The following RAD51B variants were observed in gnomAD, a reference collection of about 807,000 sequenced individuals.
RAD51B encodes DNA repair protein RAD51 homolog 2.
In RAD51B, 38 loss-of-function variants were observed where a neutral mutation model predicts 42.2. The ratio of observed to expected loss-of-function variants is 0.90; its 90% CI spans 0.70 to 1.18. The LOEUF (loss-of-function observed/expected upper bound fraction) is 1.18, where lower values mean the gene tolerates loss of function less well. Ranked by LOEUF, RAD51B falls within the 50% of genes most tolerant of loss-of-function variation. RAD51B has a pLI of 0.00. For missense variants in RAD51B, 373 were observed against 400.7 expected (o/e 0.93, Z 0.59); for synonymous variants, 154 against 145.2 (o/e 1.06, Z -0.43).
intron 8 of RAD51B, among the ~76,000 whole-genome samples, chr14:68,408,660 A>T (rs1239523340): frequency 6.6e-6 from 1 of 152,230 alleles, no homozygotes; most frequent in African/African-American, 2.4e-5. Context: ...AATTATACTT[A>T]AAAAGCATTG....
At chr14:68,486,506 T>C (rs1165147825) in intron 10 of RAD51B, among the ~76,000 whole-genome samples, 1 of 152,204 alleles carries the variant, frequency 6.6e-6, no homozygotes, top group African/African-American at 2.4e-5. Context: ...AGAAGCCAGT[T>C]TGGCTTTCTC....
chr14:68,538,970 T>TCAC (rs1323806742), intron 10 of RAD51B, among the ~76,000 whole-genome samples: 1 of 152,384 alleles, frequency 6.6e-6, no homozygotes, highest in Admixed American at 6.5e-5. Context: ...CACCATGCCA[T>TCAC]CACATTTAAC....
Position 68,372,561 on chromosome 14 carries a change from A to C in RAD51B, c.854-38863A>C, listed in dbSNP as rs181157527. On this transcript the variant is annotated intron_variant, in intron 8 of 10. Coordinates refer to ENST00000471583, the MANE Select transcript of RAD51B (RefSeq NM_133510.4). ...AGCAAGACTGCTTCAAGAGATACAA[A>C]AGCAAATTCATTACCCTAAGAATGG... Among the ~76,000 whole-genome samples, 35 of 152,280 alleles carry C rather than the reference A, an allele frequency of 2.3e-4. No homozygotes were observed. The East Asian group carries it at 5.8e-3, about 25-fold the overall frequency.
At chr14:68,076,226 C>T (rs2076831504) in intron 7 of RAD51B, among the ~76,000 whole-genome samples, 2 of 152,220 alleles carry the variant, frequency 1.3e-5, no homozygotes, top group African/African-American at 4.8e-5. Flanking sequence ...CAGAAATATT[C>T]TGTTGGCCTA....
chr14:68,474,119 T>C (rs1285141733), intron 10 of RAD51B, among the ~76,000 whole-genome samples: 5 of 152,240 alleles, frequency 3.3e-5, no homozygotes, highest in African/African-American at 1.2e-4. Flanking sequence ...CCCCTACTTA[T>C]GGAAATTTTG....
At chr14:67,944,878 G>A (rs2045336948) in intron 7 of RAD51B, among the ~76,000 whole-genome samples, 1 of 152,162 alleles carries the variant, frequency 6.6e-6, no homozygotes, top group African/African-American at 2.4e-5. Flanking sequence ...ATACCCCACA[G>A]ACATTTTTTG....
At chr14:68,447,120 G>A (rs2085439341) in intron 9 of RAD51B, among the ~76,000 whole-genome samples, 1 of 152,190 alleles carries the variant, frequency 6.6e-6, no homozygotes, top group African/African-American at 2.4e-5. Context: ...TCGGGAGGCT[G>A]AGGCAGGAGA....
At chr14:68,260,654 C>G (rs935851455) in intron 7 of RAD51B, among the ~76,000 whole-genome samples, 3 of 152,264 alleles carry the variant, frequency 2.0e-5, no homozygotes, top group African/African-American at 7.2e-5. Context: ...TTCCATCCCT[C>G]CGGGTATAGT....
chr14:68,636,977 A>T (rs1892354128), intron 10 of RAD51B, among the ~76,000 whole-genome samples: 1 of 152,200 alleles, frequency 6.6e-6, no homozygotes, highest in Middle Eastern at 3.2e-3. Context: ...TCTTCAGAGC[A>T]CTTATAATTC....
chr14:67,862,419 C>CAAAAAA (rs753212601), intron 4 of RAD51B, among the ~76,000 whole-genome samples: 1 of 117,180 alleles, frequency 8.5e-6, no homozygotes. Context: ...TAAATGTAAG[C>CAAAAAA]AAAAAAAAAA....
chr14:68,206,371 C>T (rs1164736271), intron 7 of RAD51B, among the ~76,000 whole-genome samples: 1 of 152,176 alleles, frequency 6.6e-6, no homozygotes, highest in East Asian at 1.9e-4. Context: ...ATAGCTTGCT[C>T]TTCATCACTA....
intron 9 of RAD51B, among the ~76,000 whole-genome samples, chr14:68,457,587 A>G (rs1257325154): frequency 1.3e-5 from 2 of 152,002 alleles, no homozygotes; most frequent in African/African-American, 4.8e-5. Context: ...GGTATAATTC[A>G]GGAAGAATTA....
intron 11 of RAD51B, among the ~76,000 whole-genome samples, chr14:68,676,451 C>A (rs1893304191): frequency 6.6e-6 from 1 of 152,178 alleles, no homozygotes; most frequent in African/African-American, 2.4e-5. Flanking sequence ...TCCATAATAA[C>A]TTTTAGGAGA....
At chr14:68,123,170 CTTTTCTTT>C (rs1405086030) in intron 7 of RAD51B, among the ~76,000 whole-genome samples, 6 of 146,504 alleles carry the variant, frequency 4.1e-5, no homozygotes, top group African/African-American at 1.5e-4. Flanking sequence ...ATGATCTTTT[CTTTTCTTT>C]TTTTCTTTCT....
At chr14:68,434,910 A>G (rs767364805) in intron 9 of RAD51B, among the ~76,000 whole-genome samples, 13 of 152,160 alleles carry the variant, frequency 8.5e-5, no homozygotes, top group Middle Eastern at 3.4e-3. Flanking sequence ...TTCTTTATCC[A>G]TTTATTTGTT....
chr14:68,100,587 C>G (rs779457320), intron 7 of RAD51B, among the ~76,000 whole-genome samples: 1 of 152,178 alleles, frequency 6.6e-6, no homozygotes, highest in Non-Finnish European at 1.5e-5. Flanking sequence ...CCCTTATTTA[C>G]TGGGTATGGA....
chr14:68,145,214 T>A (rs1378681969), intron 7 of RAD51B, among the ~76,000 whole-genome samples: 1 of 152,224 alleles, frequency 6.6e-6, no homozygotes, highest in African/African-American at 2.4e-5. Context: ...TGACCCATTG[T>A]CTAGTGGTTT....
intron 7 of RAD51B, among the ~76,000 whole-genome samples, chr14:68,009,177 T>C (rs964127868): frequency 6.6e-6 from 1 of 151,974 alleles, no homozygotes; most frequent in African/African-American, 2.4e-5. Flanking sequence ...TTGCATCCCC[T>C]GTATGCTATC....
intron 7 of RAD51B, among the ~76,000 whole-genome samples, chr14:68,272,631 C>T (rs1311213708): frequency 6.0e-5 from 3 of 49,718 alleles, no homozygotes; most frequent in African/African-American, 2.7e-4. Context: ...TGTTTATAAA[C>T]ACTTTATATA....
Sources: gnomAD v4.1 joint callset for allele counts (sites outside exome capture counted in the v4.1 genomes callset) on GRCh38, gnomAD v4.1.1 for gene constraint, MANE v1.5 for transcripts, NCBI Gene and HGNC (gene_info 2026-07-23, HGNC 2026-07-21) for gene names.